SH3GL3: variants seen among roughly 807,000 people sequenced by gnomAD.
SH3GL3 encodes the protein endophilin-A3.
SH3GL3 carries 33 observed loss-of-function variants against 47.7 expected under a neutral mutation model. The ratio of observed to expected loss-of-function variants is 0.69; its 90% CI spans 0.52 to 0.92. SH3GL3 has a LOEUF of 0.92. Ranked by LOEUF, SH3GL3 falls within the 40% of genes least tolerant of loss-of-function variation. The pLI is 0.00. For missense variants in SH3GL3, 363 were observed against 417.8 expected, an observed-to-expected ratio of 0.87 and a Z score of 1.14; for synonymous variants, 155 against 148.8, an observed-to-expected ratio of 1.04 and a Z score of -0.30.
At chr15:83,553,491 TCCTC>T (rs2044770937) in intron 1 of SH3GL3, among the ~76,000 whole-genome samples, 1 of 152,200 alleles carries the variant, frequency 6.6e-6, no homozygotes, top group African/African-American at 2.4e-5. Flanking sequence ...CATTCCTTCT[TCCTC>T]CCTCTCCCTT....
intron 1 of SH3GL3, among the ~76,000 whole-genome samples, chr15:83,513,430 A>C (rs2042852241): frequency 6.6e-6 from 1 of 152,080 alleles, no homozygotes; most frequent in South Asian, 2.1e-4. Context: ...GCCACACTGG[A>C]TGTGTCACCC....
chr15:83,457,837 T>C (rs1383901571), intron 1 of SH3GL3, among the ~76,000 whole-genome samples: 1 of 152,218 alleles, frequency 6.6e-6, no homozygotes, highest in Non-Finnish European at 1.5e-5. Context: ...ATCTTAAGGA[T>C]ATAATACAAT....
Position 83,618,419 on chromosome 15 carries a change from A to T in SH3GL3, c.*132A>T. On this transcript the variant is annotated 3_prime_UTR_variant, in exon 9 of 9. Coordinates refer to ENST00000427482, the MANE Select transcript of SH3GL3 (RefSeq NM_003027.5). ...TGACTTTTGTATGTGTGCTCTCTTT[A>T]TAATGTATTTTATATCACTTTAATT... 1.6e-6 allele frequency: 1 copy of T among 626,564 alleles called. No homozygotes were observed. Among genetic ancestry groups the T allele is most frequent in the Non-Finnish European group, 2.9e-6 (1 of 346,800 alleles). The allele number at this position is 626,564 out of a possible 1,614,324, so 38.8% of individuals were successfully genotyped here. A position where few individuals can be genotyped will look rare whatever the true frequency, so the allele number is the denominator to read the frequency against.
intron 2 of SH3GL3, 41 bp from the exon 3 acceptor site, chr15:83,565,091 TGA>T: frequency 1.2e-6 from 1 of 816,350 alleles, no homozygotes; most frequent in Non-Finnish European, 2.0e-6. Flanking sequence ...GTGATTTTAT[TGA>T]GTTTGTCATT....
chr15:83,593,601 T>G (rs1260511069), intron 8 of SH3GL3, among the ~76,000 whole-genome samples: 2 of 152,316 alleles, frequency 1.3e-5, no homozygotes, highest in South Asian at 2.1e-4. Flanking sequence ...TTTTAATAGA[T>G]TCCATAGTTT....
At chr15:83,488,884 A>C (rs2041736465) in intron 1 of SH3GL3, among the ~76,000 whole-genome samples, 1 of 152,130 alleles carries the variant, frequency 6.6e-6, no homozygotes, top group Non-Finnish European at 1.5e-5. Context: ...CATTTTTATT[A>C]GTTTTCATGG....
rs1268383738 is a variant in SH3GL3 at position 83,568,625 on chromosome 15, A to G, written c.284A>G (p.Asp95Gly). ...GYPQTEGLLG[D>G]CMLKYGKELG... ...CCGCAGACGGAAGGCTTGCTGGGGG[A>G]CTGTATGCTGAAATACGGGAAGGAG... Residue 95 changes from aspartate to glycine, a missense_variant, in exon 4 of 9, where the codon GAC becomes GGC. Asp to Gly is a moderately conservative substitution (Grantham distance 94). Coordinates refer to ENST00000427482, the MANE Select transcript of SH3GL3 (RefSeq NM_003027.5). 6.2e-7 allele frequency: 1 copy of G among 1,613,680 alleles called. No individual in the cohort carries two copies. The highest frequency in any genetic ancestry group is 1.3e-5 in the African/African-American group (1 of 74,918).
At chr15:83,510,747 G>T (rs550037780) in intron 1 of SH3GL3, among the ~76,000 whole-genome samples, 1 of 152,164 alleles carries the variant, frequency 6.6e-6, no homozygotes, top group Non-Finnish European at 1.5e-5. Context: ...AAGCAGCTAT[G>T]TGGATCCTCA....
chr15:83,514,584 G>T (rs1395711211), intron 1 of SH3GL3, among the ~76,000 whole-genome samples: 3 of 152,152 alleles, frequency 2.0e-5, no homozygotes, highest in Non-Finnish European at 2.9e-5. Flanking sequence ...TTCAAAATAA[G>T]TTTTTTTGAA....
intron 6 of SH3GL3, among the ~76,000 whole-genome samples, chr15:83,579,373 GA>G (rs1303579943): frequency 4.6e-5 from 7 of 152,204 alleles, no homozygotes; most frequent in Non-Finnish European, 1.0e-4. Context: ...CCTCAGCCTG[GA>G]TCCTGGGGTC....
intron 2 of SH3GL3, among the ~76,000 whole-genome samples, chr15:83,563,000 A>G (rs967052413): frequency 2.6e-5 from 4 of 152,148 alleles, no homozygotes; most frequent in Admixed American, 6.6e-5. Flanking sequence ...TCATTTCTGT[A>G]CTGTCTTTTA....
At chr15:83,573,002 A>G (rs1402994682) in intron 5 of SH3GL3, among the ~76,000 whole-genome samples, 1 of 152,252 alleles carries the variant, frequency 6.6e-6, no homozygotes, top group Non-Finnish European at 1.5e-5. Flanking sequence ...ACATAACTTT[A>G]TAGTGGATTT....
At chr15:83,460,152 G>C (rs1163952035) in intron 1 of SH3GL3, among the ~76,000 whole-genome samples, 2 of 146,394 alleles carry the variant, frequency 1.4e-5, no homozygotes, top group Non-Finnish European at 3.0e-5. Flanking sequence ...CCAGGCTGGA[G>C]TGCAGTCATG....
downstream of SH3GL3, among the ~76,000 whole-genome samples, chr15:83,621,430 G>C (rs895571258): frequency 4.6e-5 from 7 of 152,100 alleles, no homozygotes; most frequent in South Asian, 2.1e-4. Flanking sequence ...GAAGCCTGAG[G>C]GGGGAATGGC....
chr15:83,602,932 C>T (rs1300349674), intron 8 of SH3GL3, among the ~76,000 whole-genome samples: 1 of 152,122 alleles, frequency 6.6e-6, no homozygotes, highest in South Asian at 2.1e-4. Context: ...TGCTCAGGGA[C>T]CTTGTGGGTT....
At chr15:83,516,672 C>T (rs2042991168) in intron 1 of SH3GL3, among the ~76,000 whole-genome samples, 1 of 152,066 alleles carries the variant, frequency 6.6e-6, no homozygotes. Context: ...TGAAAACTCA[C>T]TATGACCAAG....
intron 6 of SH3GL3, among the ~76,000 whole-genome samples, chr15:83,580,047 T>C (rs2059791540): frequency 6.6e-6 from 1 of 152,208 alleles, no homozygotes; most frequent in Non-Finnish European, 1.5e-5. Context: ...GGGGCATACA[T>C]TGAACCCTTG....
chr15:83,481,158 C>T (rs1419655126), intron 1 of SH3GL3, among the ~76,000 whole-genome samples: 1 of 151,804 alleles, frequency 6.6e-6, no homozygotes, highest in Non-Finnish European at 1.5e-5. Flanking sequence ...ACCTATATTC[C>T]CAGCTAGTCG....
At chr15:83,597,617 A>T (rs143586590) in intron 8 of SH3GL3, among the ~76,000 whole-genome samples, 7,882 of 149,638 alleles carry the variant, frequency 0.053, 664 homozygotes, top group African/African-American at 0.18. Context: ...AATTATTATT[A>T]TTTTTTTTTG....
Sources: allele counts gnomAD v4.1 joint callset (sites outside exome capture counted in the v4.1 genomes callset), GRCh38; gene constraint gnomAD v4.1.1; transcripts MANE v1.5; gene names NCBI Gene and HGNC (gene_info 2026-07-23, HGNC 2026-07-21).